HMOX2: variants seen among roughly 807,000 people sequenced by gnomAD.
HMOX2 encodes the protein heme oxygenase (decycling) 2.
HMOX2 carries 30 observed loss-of-function variants against 33.7 expected under a neutral mutation model. The observed-to-expected ratio is 0.89, with a 90% confidence interval of 0.67 to 1.21. The LOEUF (loss-of-function observed/expected upper bound fraction) is 1.21, where lower values mean the gene tolerates loss of function less well. HMOX2 is among the 50% of genes most tolerant of loss of function. The pLI is 0.00. For synonymous variants in HMOX2, 155 were observed against 155.0 expected (o/e 1.00, Z 0.00); for missense variants, 403 against 399.1 (o/e 1.01, Z -0.08).
chr16:4,506,543 C>G (rs1277944393), intron 2 of HMOX2, among the ~76,000 whole-genome samples: 1 of 152,222 alleles, frequency 6.6e-6, no homozygotes, highest in East Asian at 1.9e-4. Context: ...CCAGCAAATA[C>G]TGAAGGGAAT....
intron 1 of HMOX2, among the ~76,000 whole-genome samples, chr16:4,493,084 A>T (rs1018268858): frequency 4.7e-4 from 71 of 151,950 alleles, no homozygotes; most frequent in Non-Finnish European, 9.1e-4. Flanking sequence ...TGGAAGCTGG[A>T]ATTCAGTAGT....
At chr16:4,486,758 G>A (rs555433593) in intron 1 of HMOX2, among the ~76,000 whole-genome samples, 2 of 152,280 alleles carry the variant, frequency 1.3e-5, no homozygotes, top group South Asian at 4.1e-4. Context: ...CACAGGTAGT[G>A]GGAAATGGTA....
Position 4,510,034 on chromosome 16 carries a change from G to A in HMOX2, c.*278G>A. The A allele has an allele frequency of 4.0e-6, 2 of 498,136 alleles. No individual in the cohort carries two copies. Among genetic ancestry groups the A allele is most frequent in the Non-Finnish European group, 7.2e-6 (2 of 276,566 alleles). 30.9% of individuals were successfully genotyped at this position (498,136 alleles called of 1,614,324 possible). On this transcript the variant is annotated 3_prime_UTR_variant, in exon 6 of 6. Transcript: ENST00000570646. ...CTCTACTCCAGGCTTCCACACTTCTGGGCCCTAGGCTGCTTCCGGTAGTCC... is the reference window on the plus strand; with the variant it reads ...CTCTACTCCAGGCTTCCACACTTCTAGGCCCTAGGCTGCTTCCGGTAGTCC...
chr16:4,487,674 C>T (rs932539679), intron 1 of HMOX2, among the ~76,000 whole-genome samples: 1 of 152,086 alleles, frequency 6.6e-6, no homozygotes, highest in East Asian at 1.9e-4. Flanking sequence ...GTGGCTGGCG[C>T]CTGTAGTCCC....
upstream of HMOX2, chr16:4,475,945 G>A (rs1208396714): frequency 6.6e-6 from 1 of 152,158 alleles, no homozygotes; most frequent in African/African-American, 2.4e-5. Context: ...CTCAAAAAAA[G>A]AAAAATCATT....
chr16:4,499,893 ATTACT>A lies in HMOX2; in HGVS notation c.-41-5584_-41-5580del, dbSNP rs1423799664. Among the ~76,000 whole-genome samples the A allele has an allele frequency of 4.6e-5, 7 of 152,204 alleles. No individual in the cohort carries two copies. In the East Asian group the frequency reaches 1.3e-3, roughly 29 times the overall value. On this transcript the variant is annotated intron_variant, in intron 1 of 5. Transcript: ENST00000570646. Reference sequence around the variant, plus strand: ...ACATGGGACCCAATTAAAAATTTGTATTACTTTACTTGGTATTTTAGAATTTAGCT... The same window carrying A: ...ACATGGGACCCAATTAAAAATTTGTATTACTTGGTATTTTAGAATTTAGCT...
rs760031391 is a variant in HMOX2 at position 4,509,689 on chromosome 16, G to C, written c.884G>C (p.Ser295Thr). ...RTAMAVLRKP[S>T]LQFILAAGVA... ...GCTATGGCTGTGCTGAGGAAGCCCA[G>C]CCTCCAGTTCATCCTGGCCGCTGGT... The change falls in exon 6 of 6, where the codon AGC becomes ACC. Residue 295 changes from serine to threonine, a missense_variant. Coordinates refer to ENST00000570646, the MANE Select transcript of HMOX2 (RefSeq NM_002134.4). 6.2e-7 allele frequency: 1 copy of C among 1,614,074 alleles called. No individual in the cohort carries two copies. The highest frequency in any genetic ancestry group is 8.5e-7 in the Non-Finnish European group (1 of 1,179,974).
At chr16:4,488,501 A>G (rs2058229313) in intron 1 of HMOX2, 1 of 152,146 alleles carries the variant, frequency 6.6e-6, no homozygotes, top group Non-Finnish European at 1.5e-5. Context: ...TTTTCAGTAA[A>G]TTATGATAAC....
chr16:4,503,053 G>C (rs2058598094), intron 1 of HMOX2: 1 of 152,122 alleles, frequency 6.6e-6, no homozygotes, highest in Non-Finnish European at 1.5e-5. Flanking sequence ...CTGACCTCCT[G>C]ATCTGCCCAC....
At chr16:4,499,155 C>A (rs1205363316) in intron 1 of HMOX2, among the ~76,000 whole-genome samples, 1 of 152,216 alleles carries the variant, frequency 6.6e-6, no homozygotes, top group Non-Finnish European at 1.5e-5. Flanking sequence ...TTAACAATCA[C>A]CCAATTGCTC....
chr16:4,489,852 C>T (rs1043785867), intron 1 of HMOX2, among the ~76,000 whole-genome samples: 1 of 152,322 alleles, frequency 6.6e-6, no homozygotes, highest in East Asian at 1.9e-4. Flanking sequence ...CCTCAGTGAT[C>T]CTCCTGCCTC....
chr16:4,481,080 C>T (rs1459171632), intron 1 of HMOX2, among the ~76,000 whole-genome samples: 2 of 151,744 alleles, frequency 1.3e-5, no homozygotes, highest in Admixed American at 6.6e-5. Context: ...GGCGCGGTGG[C>T]TCGCACCTGT....
At chr16:4,485,142 T>G (rs1283014234) in intron 1 of HMOX2, among the ~76,000 whole-genome samples, 1 of 152,048 alleles carries the variant, frequency 6.6e-6, no homozygotes, top group Non-Finnish European at 1.5e-5. Context: ...ATTTTTATAT[T>G]TTTAGCAGAT....
At chr16:4,508,332 G>T in intron 4 of HMOX2, 128 bp downstream of exon 4, 2 of 1,114,284 alleles carry the variant, frequency 1.8e-6, no homozygotes, top group Non-Finnish European at 2.6e-6. Flanking sequence ...CGAGAGGAAG[G>T]TGGCCACCAG....
rs551594596 is a variant in HMOX2, at chr16:4,507,953, C to T, written c.445C>T (p.Leu149=). The change falls in exon 4 of 6, where the codon CTG becomes TTG. Residue 149 remains leucine, a synonymous_variant. Coordinates refer to ENST00000570646, the MANE Select transcript of HMOX2 (RefSeq NM_002134.4). ...HYIGQNEPEL[L]VAHAYTRYMG... is the part of the protein sequence containing the mutation. ...CATAGGGCAGAACGAGCCGGAGCTA[C>T]TGGTGGCCCATGCATACACCCGCTA... The T allele has an allele frequency of 2.5e-6, 4 of 1,613,660 alleles. No individual in the cohort carries two copies. Among genetic ancestry groups the T allele is most frequent in the South Asian group, 1.1e-5 (1 of 91,076 alleles).
At chr16:4,474,865 A>C (rs1314007322), upstream of HMOX2, 1 of 152,242 alleles carries the variant, frequency 6.6e-6, no homozygotes, top group Non-Finnish European at 1.5e-5. Flanking sequence ...GCGTCAGGCA[A>C]AGATAATTAA....
chr16:4,508,141 G>C lies in HMOX2; in HGVS notation c.633G>C (p.Leu211=). 6.2e-7 allele frequency: 1 copy of C among 1,614,002 alleles called. No individual in the cohort carries two copies. The highest frequency in any genetic ancestry group is 1.1e-5 in the South Asian group (1 of 91,066). ...LYRARMNALD[L]NMKTKERIVE... is the part of the protein sequence containing the mutation. ...GGGCCAGGATGAACGCCCTGGACCT[G>C]AACATGAAGACCAAAGAGAGGATCG... is the stretch of plus-strand genomic sequence containing the variant. Residue 211 remains leucine, a synonymous_variant, in exon 4 of 6, where the codon CTG becomes CTC. Transcript: ENST00000570646.
rs757608081 is a variant in HMOX2, at chr16:4,508,171, G to A, written c.663G>A (p.Glu221=). Residue 221 remains glutamate, a synonymous_variant, in exon 4 of 6, where the codon GAG becomes GAA. Coordinates refer to ENST00000570646, the MANE Select transcript of HMOX2 (RefSeq NM_002134.4). The part of the protein sequence containing the change: ...LNMKTKERIV[E]EANKAFEYNM... ...TGAAGACCAAAGAGAGGATCGTGGA[G>A]GAGGCCAACAAGGCTTTTGAGTATA... 1.2e-6 allele frequency: 2 copies of A among 1,612,844 alleles called. No individual in the cohort carries two copies. The highest frequency in any genetic ancestry group is 2.7e-5 in the African/African-American group (2 of 74,884).
At chr16:4,491,417 A>G (rs1295911464) in intron 1 of HMOX2, among the ~76,000 whole-genome samples, 1 of 152,138 alleles carries the variant, frequency 6.6e-6, no homozygotes, top group Non-Finnish European at 1.5e-5. Context: ...TGGGAGGCCA[A>G]GGCGGCTGGA....
Sources: gnomAD v4.1 joint callset for allele counts (sites outside exome capture counted in the v4.1 genomes callset) on GRCh38, gnomAD v4.1.1 for gene constraint, MANE v1.5 for transcripts, NCBI Gene and HGNC (gene_info 2026-07-23, HGNC 2026-07-21) for gene names.